GATM: variants seen among roughly 807,000 people sequenced by gnomAD.
The protein encoded by GATM is glycine amidinotransferase, mitochondrial.
In GATM, 23 loss-of-function variants were observed where a neutral mutation model predicts 54.2. The observed-to-expected ratio is 0.42, with a 90% CI of 0.31 to 0.60. GATM has a LOEUF of 0.60. GATM is among the 20% of genes least tolerant of loss of function. The pLI is 0.14. For missense variants in GATM, 401 were observed against 544.9 expected, an observed-to-expected ratio of 0.74 and a Z score of 2.63; for synonymous variants, 168 against 183.1, an observed-to-expected ratio of 0.92 and a Z score of 0.67.
intron 3 of GATM, among the ~76,000 whole-genome samples, chr15:45,388,363 C>G (rs557160825): frequency 6.6e-6 from 1 of 152,202 alleles, no homozygotes; most frequent in South Asian, 2.1e-4. Context: ...CTGTTATTGT[C>G]TTCCACAGCT....
chr15:45,393,419 A>T (rs1208855707), intron 3 of GATM, among the ~76,000 whole-genome samples: 2 of 68,814 alleles, frequency 2.9e-5, no homozygotes, highest in Non-Finnish European at 5.6e-5. Flanking sequence ...ACTATAAATT[A>T]AAAAAAAAAA....
At chr15:45,390,592 CT>C (rs770188137) in intron 3 of GATM, among the ~76,000 whole-genome samples, 13 of 152,144 alleles carry the variant, frequency 8.5e-5, no homozygotes, top group Non-Finnish European at 1.6e-4. Context: ...CAAAATTGCA[CT>C]TGAGGATTTT....
At position 45,362,036 on chromosome 15, in the gene GATM, A is replaced by T; in HGVS notation, c.*73T>A. 1 of 878,528 alleles carries T rather than the reference A, an allele frequency of 1.1e-6. No homozygotes were observed. The highest frequency in any genetic ancestry group is 1.9e-6 in the Non-Finnish European group (1 of 514,882). The allele number at this position is 878,528 out of a possible 1,614,324, so 54.4% of individuals were successfully genotyped here. A position where few individuals can be genotyped will look rare whatever the true frequency, so the allele number is the denominator to read the frequency against. Reference sequence around the variant, plus strand: ...GCACTACAGTTCATGCACTTTTTAAAGCAGGAGAATGAACCTTGCCCCTAA... The same window carrying T: ...GCACTACAGTTCATGCACTTTTTAATGCAGGAGAATGAACCTTGCCCCTAA... On this transcript the variant is annotated 3_prime_UTR_variant, in exon 9 of 9. Coordinates refer to ENST00000396659, the MANE Select transcript of GATM (RefSeq NM_001482.3).
chr15:45,365,792 G>C (rs1331661956), intron 6 of GATM, among the ~76,000 whole-genome samples: 2 of 152,158 alleles, frequency 1.3e-5, no homozygotes, highest in African/African-American at 4.8e-5. Context: ...GCACAAACTT[G>C]AGGCTCTGAC....
intron 3 of GATM, among the ~76,000 whole-genome samples, chr15:45,386,591 C>G (rs191471231): frequency 8.5e-4 from 130 of 152,324 alleles, no homozygotes; most frequent in African/African-American, 2.9e-3. Flanking sequence ...GAAGACACTT[C>G]TGCCTATCTC....
intron 1 of GATM, 128 bp downstream of exon 1, chr15:45,378,257 C>T: frequency 2.9e-6 from 2 of 682,808 alleles, no homozygotes; most frequent in African/African-American, 1.9e-5. Flanking sequence ...GGGACACTCT[C>T]GTGCAATTCC....
At chr15:45,386,646 C>T (rs967767695) in intron 3 of GATM, among the ~76,000 whole-genome samples, 5 of 152,162 alleles carry the variant, frequency 3.3e-5, no homozygotes, top group South Asian at 2.1e-4. Context: ...CTTGCTATTT[C>T]GCTCCTGTCT....
At chr15:45,394,713 G>C (rs1889908499) in intron 3 of GATM, among the ~76,000 whole-genome samples, 1 of 152,186 alleles carries the variant, frequency 6.6e-6, no homozygotes, top group South Asian at 2.1e-4. Flanking sequence ...ACATATTTTA[G>C]GGTGTGGGAG....
At chr15:45,366,320 G>A in intron 5 of GATM, 51 bp downstream of exon 5, 1 of 1,611,308 alleles carries the variant, frequency 6.2e-7, no homozygotes, top group Non-Finnish European at 8.5e-7. Flanking sequence ...TAATTTGGAA[G>A]TAAAGAATAC....
At chr15:45,365,148 T>G (rs1595482309) in intron 6 of GATM, among the ~76,000 whole-genome samples, 2 of 152,336 alleles carry the variant, frequency 1.3e-5, no homozygotes, top group Middle Eastern at 6.8e-3. Context: ...CCAAAGATAC[T>G]GTCCTTAAGA....
Position 45,361,775 on chromosome 15 carries a change from C to A in GATM, c.*334G>T. 1 of 486,906 alleles carries A rather than the reference C, an allele frequency of 2.1e-6. No individual in the cohort carries two copies. 30.2% of individuals were successfully genotyped at this position (486,906 alleles called of 1,614,324 possible). On this transcript the variant is annotated 3_prime_UTR_variant, in exon 9 of 9. Coordinates refer to ENST00000396659, the MANE Select transcript of GATM (RefSeq NM_001482.3). ...AGATTAGGACCAACATTTCAAGCTG[C>A]CTTTTGGAAAGAAAATTAAAAACAG... is the stretch of plus-strand genomic sequence containing the variant.
chr15:45,378,272 A>G (rs1019461235), intron 1 of GATM, 113 bp downstream of exon 1: 1 of 770,404 alleles, frequency 1.3e-6, no homozygotes, highest in Non-Finnish European at 2.1e-6. Flanking sequence ...AATTCCGGCT[A>G]GGGAAAGCGA....
Position 45,362,136 on chromosome 15 carries a change from T to C in GATM, c.1245A>G (p.Arg415=), listed in dbSNP as rs1057522467. 16 of 1,613,560 alleles carry C rather than the reference T, an allele frequency of 9.9e-6. No homozygotes were observed. The highest frequency in any genetic ancestry group is 1.4e-5 in the Non-Finnish European group (16 of 1,179,652). ...FHCWTCDVRR[R]GTLQSYLD ...AGTCCAAGTAGGACTGTAAGGTGCC[T>C]CGGCGCCGGACATCGCAGGTCCAGC... The change falls in exon 9 of 9, where the codon CGA becomes CGG. Residue 415 remains arginine, a synonymous_variant. Transcript: ENST00000396659.
intron 7 of GATM, chr15:45,364,534 C>CAAAAA: frequency 3.1e-6 from 1 of 325,536 alleles, no homozygotes; most frequent in South Asian, 3.2e-5. Context: ...GACACTGTCT[C>CAAAAA]AAAAAAAAAA....
In GATM at chr15:45,368,578, C is replaced by T. The variant is rs1889487625; in HGVS notation, c.485-318G>A. 6.6e-6 allele frequency among the ~76,000 whole-genome samples: 1 copy of T among 152,012 alleles called. No homozygotes were observed. The highest frequency in any genetic ancestry group is 2.1e-4 in the South Asian group (1 of 4,814). ...AGTGAGCCGAGATTGTGCCACCACA[C>T]TCCAGCCTGGGCGACAGAGTGAGAC... On this transcript the variant is annotated intron_variant, in intron 3 of 8. Coordinates refer to ENST00000396659, the MANE Select transcript of GATM (RefSeq NM_001482.3). This position sits in a 1 kb window ranked among gnomAD's most constrained non-coding sequence, Gnocchi z 5.1.
Position 45,368,794 on chromosome 15 carries a change from T to C in GATM, c.484+532A>G, listed in dbSNP as rs1889491071. Reference sequence around the variant, plus strand: ...AGAAAAAAAAGAAAAGAAAAAAAAGTGAAGGAATAAAGTCCTTGTACAAAG... The same window carrying C: ...AGAAAAAAAAGAAAAGAAAAAAAAGCGAAGGAATAAAGTCCTTGTACAAAG... On this transcript the variant is annotated intron_variant, in intron 3 of 8. Coordinates refer to ENST00000396659, the MANE Select transcript of GATM (RefSeq NM_001482.3). This position sits in a 1 kb window ranked among gnomAD's most constrained non-coding sequence, Gnocchi z 5.1. Among the ~76,000 whole-genome samples, 1 of 150,850 alleles carries C rather than the reference T, an allele frequency of 6.6e-6. No individual in the cohort carries two copies.
intron 2 of GATM, among the ~76,000 whole-genome samples, chr15:45,371,327 T>A (rs1889541395): frequency 6.6e-6 from 1 of 152,242 alleles, no homozygotes; most frequent in Admixed American, 6.5e-5. Flanking sequence ...AAAAATGTTT[T>A]AAGTGTTTTA....
chr15:45,391,175 C>A lies in GATM; in HGVS notation c.-319+5747G>T, dbSNP rs529927016. Among the ~76,000 whole-genome samples the A allele has an allele frequency of 2.2e-4, 33 of 151,198 alleles. No individual in the cohort carries two copies. The South Asian group carries it at 4.4e-3, about 20-fold the overall frequency. On this transcript the variant is annotated intron_variant, in intron 3 of 4. Coordinates refer to the GATM transcript ENST00000561148. ...ATCCCAGCACTTTGGGAGGCCAAGG[C>A]AGGTGGATCATCTGAGGTCAGAAGT...
chr15:45,372,178 C>T (rs568591724), intron 2 of GATM, among the ~76,000 whole-genome samples: 7 of 152,294 alleles, frequency 4.6e-5, no homozygotes, highest in South Asian at 2.1e-4. Context: ...CATTTGTTTA[C>T]GTATTGTCTA....
Sources: gnomAD v4.1 joint callset for allele counts (sites outside exome capture counted in the v4.1 genomes callset) on GRCh38, gnomAD v4.1.1 for gene constraint, Gnocchi (gnomAD v3.1) non-coding constraint, MANE v1.5 for transcripts, NCBI Gene and HGNC (gene_info 2026-07-23, HGNC 2026-07-21) for gene names.